ALMS1: variants seen among roughly 807,000 people sequenced by gnomAD.
ALMS1 encodes ALMS1 centrosome and basal body associated protein.
ALMS1 carries 271 observed loss-of-function variants against 352.2 expected under a neutral mutation model. That is an observed-to-expected ratio of 0.77 (90% CI 0.70 to 0.85). ALMS1 has a LOEUF of 0.85. Ranked by LOEUF, ALMS1 falls within the 40% of genes least tolerant of loss-of-function variation. The probability of loss-of-function intolerance (pLI) is 0.00; values close to 1 mark genes in which losing one functional copy is unlikely to be tolerated. For missense variants in ALMS1, 5,445 were observed against 4,870.7 expected, an observed-to-expected ratio of 1.12 and a Z score of -3.51; for synonymous variants, 1,865 against 1,761.2, an observed-to-expected ratio of 1.06 and a Z score of -1.48.
At chr2:73,528,262 T>A (rs1673834861) in intron 11 of ALMS1, among the ~76,000 whole-genome samples, 1 of 152,182 alleles carries the variant, frequency 6.6e-6, no homozygotes, top group Non-Finnish European at 1.5e-5. Context: ...ATTAGGTCCA[T>A]TCAATGTATC....
At chr2:73,472,648 CAG>C (rs1343894273) in intron 9 of ALMS1, among the ~76,000 whole-genome samples, 2 of 152,004 alleles carry the variant, frequency 1.3e-5, no homozygotes, top group African/African-American at 4.8e-5. Context: ...GCTGCAGAAA[CAG>C]AACACTATGG....
At position 73,448,223 on chromosome 2, in the gene ALMS1, G is replaced by A; in HGVS notation, c.1696G>A (p.Ala566Thr). 8 of 1,614,050 alleles carry A rather than the reference G, an allele frequency of 5.0e-6. No homozygotes were observed. Among genetic ancestry groups the A allele is most frequent in the Non-Finnish European group, 5.9e-6 (7 of 1,179,950 alleles). The stretch of plus-strand genomic sequence containing the variant: ...TCCTGAACCAGCTGACCAGAAGACT[G>A]CAACACCAACAGTACTCTCTAGTTC... ...AIPEPADQKT[A>T]TPTVLSSSHS... The change falls in exon 8 of 23, where the codon GCA (alanine) becomes ACA (threonine). Residue 566 changes from alanine to threonine, a missense_variant. Transcript: ENST00000613296.
At chr2:73,408,907 C>G (rs1332868708) in intron 2 of ALMS1, among the ~76,000 whole-genome samples, 160 bp downstream of exon 2, 1 of 112,912 alleles carries the variant, frequency 8.9e-6, no homozygotes, top group Non-Finnish European at 1.7e-5. Context: ...GGGTCTCACT[C>G]TGTCACCCAG....
chr2:73,548,899 T>C (rs1674373165), intron 12 of ALMS1, among the ~76,000 whole-genome samples: 1 of 152,028 alleles, frequency 6.6e-6, no homozygotes, highest in Non-Finnish European at 1.5e-5. Flanking sequence ...TAGAAGAAAA[T>C]ATAAAAAATA....
chr2:73,412,252 C>G (rs1006286866), intron 2 of ALMS1, among the ~76,000 whole-genome samples: 7 of 152,216 alleles, frequency 4.6e-5, no homozygotes, highest in Non-Finnish European at 8.8e-5. Context: ...TGTAGTCAGT[C>G]ACTTCCCCAA....
intron 2 of ALMS1, among the ~76,000 whole-genome samples, chr2:73,414,157 C>T (rs6755217): frequency 0.26 from 39,014 of 151,972 alleles, 5,508 homozygotes; most frequent in African/African-American, 0.37. Flanking sequence ...AATCCATAAA[C>T]ATGACAGTTC....
At chr2:73,585,741 T>TTC (rs1553420024) in intron 16 of ALMS1, among the ~76,000 whole-genome samples, 1 of 148,530 alleles carries the variant, frequency 6.7e-6, no homozygotes. Flanking sequence ...TTTTTTTTTT[T>TTC]CCCCGAGACG....
intron 22 of ALMS1, 150 bp from the exon 23 acceptor site, chr2:73,609,418 C>T (rs1214178000): frequency 2.0e-5 from 15 of 744,092 alleles, no homozygotes; most frequent in South Asian, 4.5e-5. Context: ...TTTTATATGA[C>T]GACCATAGTT....
chr2:73,431,555 A>G (rs952915306), intron 6 of ALMS1, among the ~76,000 whole-genome samples: 1 of 152,186 alleles, frequency 6.6e-6, no homozygotes, highest in African/African-American at 2.4e-5. Flanking sequence ...CTTTTCTAGC[A>G]AGAACTTGTG....
rs1294287091 is a variant in ALMS1, at chr2:73,573,024, T to A, written c.11147T>A (p.Phe3716Tyr). 6.2e-7 allele frequency: 1 copy of A among 1,613,884 alleles called. No homozygotes were observed. The highest frequency in any genetic ancestry group is 1.3e-5 in the African/African-American group (1 of 74,908). The change falls in exon 16 of 23, where the codon TTT (phenylalanine) becomes TAT (tyrosine). Residue 3716 changes from phenylalanine to tyrosine, a missense_variant. Physicochemically the swap from Phe to Tyr is conservative, Grantham distance 22 (BLOSUM62 3). Coordinates refer to ENST00000613296, the MANE Select transcript of ALMS1 (RefSeq NM_001378454.1). ...CAAATTAAAATTGAACAGATTAAAT[T>A]TGATAAATATATTCTGAGTAAACAG... Reference protein sequence around the residue: ...SNQIKIEQIKFDKYILSKQPG... With the variant: ...SNQIKIEQIKYDKYILSKQPG...
Position 73,519,650 on chromosome 2 carries a change from A to T in ALMS1, c.9540-125A>T. 8 of 1,256,900 alleles carry T rather than the reference A, an allele frequency of 6.4e-6. No individual in the cohort carries two copies. The South Asian group carries it at 1.1e-4, about 17-fold the overall frequency. The allele number at this position is 1,256,900 out of a possible 1,614,324, so 77.9% of individuals were successfully genotyped here. Reference sequence around the variant, plus strand: ...AAATTTTACCTTAATAACGTTTGACATTGATGTGTCCACAATATATTCCTA... The same window carrying T: ...AAATTTTACCTTAATAACGTTTGACTTTGATGTGTCCACAATATATTCCTA... On this transcript the variant is annotated intron_variant, in intron 10 of 22. Coordinates refer to ENST00000613296, the MANE Select transcript of ALMS1 (RefSeq NM_001378454.1).
At chr2:73,503,360 G>T (rs11688646) in intron 10 of ALMS1, among the ~76,000 whole-genome samples, 1 of 151,272 alleles carries the variant, frequency 6.6e-6, no homozygotes, top group Non-Finnish European at 1.5e-5. Flanking sequence ...TTGGTTTTTT[G>T]TTCTTGCTAT....
chr2:73,576,092 T>C (rs1675049000), intron 16 of ALMS1, among the ~76,000 whole-genome samples: 1 of 152,196 alleles, frequency 6.6e-6, no homozygotes, highest in African/African-American at 2.4e-5. Flanking sequence ...CCCCATTGAA[T>C]GTTCTTGGCA....
At chr2:73,483,542 A>G (rs1314244232) in intron 9 of ALMS1, among the ~76,000 whole-genome samples, 2 of 151,666 alleles carry the variant, frequency 1.3e-5, no homozygotes, top group East Asian at 3.9e-4. Flanking sequence ...AAAAAAATGT[A>G]TATTCTGTTG....
intron 2 of ALMS1, among the ~76,000 whole-genome samples, chr2:73,411,060 C>T (rs888886247): frequency 6.6e-6 from 1 of 151,982 alleles, no homozygotes; most frequent in Admixed American, 6.6e-5. Flanking sequence ...TTATATGTTG[C>T]AGTCCTAATC....
intron 11 of ALMS1, among the ~76,000 whole-genome samples, chr2:73,520,284 T>C (rs1673650175): frequency 6.6e-6 from 1 of 152,212 alleles, no homozygotes; most frequent in Admixed American, 6.5e-5. Flanking sequence ...GCAATAAAAA[T>C]GCAAGTAGTT....
chr2:73,608,582 G>A lies in ALMS1; in HGVS notation c.12462+8G>A. On this transcript the variant is annotated splice_region_variant and intron_variant, in intron 22 of 22. Transcript: ENST00000613296. ...GCCCAGCTATATAAAAAGGTCAGTG[G>A]GTCCTCTGTCTAGAGTGGGATGGAT... 6.2e-7 allele frequency: 1 copy of A among 1,605,928 alleles called. No individual in the cohort carries two copies. The highest frequency in any genetic ancestry group is 8.5e-7 in the Non-Finnish European group (1 of 1,172,564).
intron 9 of ALMS1, among the ~76,000 whole-genome samples, chr2:73,480,890 GT>G (rs1250904423): frequency 6.7e-6 from 1 of 149,734 alleles, no homozygotes; most frequent in African/African-American, 2.5e-5. Flanking sequence ...AGAAGTGTCT[GT>G]TCATGTCCTT....
intron 10 of ALMS1, among the ~76,000 whole-genome samples, chr2:73,514,458 A>G (rs1243020629): frequency 6.6e-6 from 1 of 151,932 alleles, no homozygotes; most frequent in Non-Finnish European, 1.5e-5. Flanking sequence ...CACTCCTCCT[A>G]TTTGTGCTTT....
Sources: allele counts gnomAD v4.1 joint callset (sites outside exome capture counted in the v4.1 genomes callset), GRCh38; gene constraint gnomAD v4.1.1; transcripts MANE v1.5; gene names NCBI Gene and HGNC (gene_info 2026-07-23, HGNC 2026-07-21).